RGS6: variants seen among roughly 807,000 people sequenced by gnomAD.
The protein encoded by RGS6 is regulator of G-protein signaling 6.
RGS6 carries 30 observed loss-of-function variants against 78.5 expected under a neutral mutation model. The observed-to-expected ratio is 0.38, with a 90% confidence interval of 0.29 to 0.52. The LOEUF (loss-of-function observed/expected upper bound fraction) is 0.52. RGS6 is among the 20% of genes least tolerant of loss of function. The pLI is 0.85. For synonymous variants in RGS6, 206 were observed against 206.0 expected (o/e 1.00, Z 0.00); for missense variants, 495 against 609.7 (o/e 0.81, Z 1.98).
At position 72,395,897 on chromosome 14, in the gene RGS6, G is replaced by A. The variant is rs2091134287; in HGVS notation, c.184+43703G>A. Among the ~76,000 whole-genome samples the A allele has an allele frequency of 5.3e-5, 8 of 152,210 alleles. No individual in the cohort carries two copies. The South Asian group carries it at 1.7e-3, about 32-fold the overall frequency. ...TTATGGCTGCATAGTATTCCATGGT[G>A]TATATGTGCCACATTTTCTTAATCC... On this transcript the variant is annotated intron_variant, in intron 3 of 17. Coordinates refer to ENST00000553525, the MANE Select transcript of RGS6 (RefSeq NM_001204424.2).
intron 2 of RGS6, among the ~76,000 whole-genome samples, chr14:72,183,966 T>C (rs1443986280): frequency 6.6e-6 from 1 of 152,056 alleles, no homozygotes; most frequent in African/African-American, 2.4e-5. Context: ...CATTTAGGAG[T>C]TTGTTTACCA....
chr14:72,350,998 A>G (rs1370520509), intron 2 of RGS6, among the ~76,000 whole-genome samples: 2 of 152,148 alleles, frequency 1.3e-5, no homozygotes, highest in East Asian at 3.8e-4. Context: ...TATTTCTATC[A>G]AACAAGTTAT....
chr14:72,524,958 G>A (rs2097100430), intron 15 of RGS6, among the ~76,000 whole-genome samples: 1 of 152,132 alleles, frequency 6.6e-6, no homozygotes, highest in Non-Finnish European at 1.5e-5. Context: ...CCTGACCTGT[G>A]GTACCTGCTA....
At chr14:72,036,897 A>G (rs1246129012) in intron 2 of RGS6, among the ~76,000 whole-genome samples, 1 of 152,104 alleles carries the variant, frequency 6.6e-6, no homozygotes, top group African/African-American at 2.4e-5. Context: ...ATAATTTTAT[A>G]TTTTACATTT....
rs115384240 is a variant in RGS6 at position 72,174,758 on chromosome 14, C to T, written c.85-177337C>T. Among the ~76,000 whole-genome samples, 717 of 150,882 alleles carry T rather than the reference C, an allele frequency of 4.8e-3. 9 individuals carry two copies. The highest frequency in any genetic ancestry group is 0.017 in the African/African-American group (676 of 40,250). On this transcript the variant is annotated intron_variant, in intron 2 of 17. Transcript: ENST00000553525. ...GGATATGGCTTCGGGTGACAACCCA[C>T]CTATCAGAGCTATTCAACCATTGAA...
At chr14:72,344,802 G>C (rs1189264311) in intron 2 of RGS6, among the ~76,000 whole-genome samples, 1 of 152,200 alleles carries the variant, frequency 6.6e-6, no homozygotes, top group Non-Finnish European at 1.5e-5. Flanking sequence ...CAGATTTTAG[G>C]TAGGGGAGTT....
intron 17 of RGS6, among the ~76,000 whole-genome samples, chr14:72,557,046 C>T (rs1027222470): frequency 6.6e-6 from 1 of 152,220 alleles, no homozygotes; most frequent in Non-Finnish European, 1.5e-5. Flanking sequence ...AGGCTCCCGC[C>T]CCTCCTCACT....
chr14:72,600,105 C>G, the RGS6 span, among the ~76,000 whole-genome samples: 1 of 152,100 alleles, frequency 6.6e-6, no homozygotes, highest in Non-Finnish European at 1.5e-5. Flanking sequence ...TTCTTCTCCT[C>G]CTTTCTTTCC....
chr14:72,293,002 A>ATT (rs1481181356), intron 2 of RGS6, among the ~76,000 whole-genome samples: 1 of 152,138 alleles, frequency 6.6e-6, no homozygotes, highest in Non-Finnish European at 1.5e-5. Context: ...CCCTGGATAT[A>ATT]TTTGTATTGT....
At chr14:72,464,286 C>T (rs146148992) in intron 6 of RGS6, among the ~76,000 whole-genome samples, 26 of 152,342 alleles carry the variant, frequency 1.7e-4, no homozygotes, top group South Asian at 2.1e-4. Context: ...GCAACACTCT[C>T]TCTCTTTTCA....
intron 14 of RGS6, among the ~76,000 whole-genome samples, chr14:72,515,540 C>T (rs1232391525): frequency 6.6e-6 from 1 of 152,094 alleles, no homozygotes; most frequent in African/African-American, 2.4e-5. Flanking sequence ...GTGACATGCC[C>T]CTGTAATTCC....
intron 2 of RGS6, among the ~76,000 whole-genome samples, chr14:72,091,469 G>T (rs1162099118): frequency 6.6e-6 from 1 of 152,110 alleles, no homozygotes. Context: ...TCAGTAAAGA[G>T]GCCAGATGAG....
intron 2 of RGS6, among the ~76,000 whole-genome samples, chr14:72,123,066 G>C (rs762056777): frequency 3.3e-5 from 5 of 152,068 alleles, no homozygotes; most frequent in Non-Finnish European, 7.4e-5. Context: ...TCCTGGGTTT[G>C]AGCGATTCTC....
At chr14:72,501,957 C>T (rs2096732856) in intron 13 of RGS6, among the ~76,000 whole-genome samples, 1 of 152,232 alleles carries the variant, frequency 6.6e-6, no homozygotes, top group Admixed American at 6.5e-5. Context: ...ATTAGTCAAG[C>T]TCCTTTCTTA....
At chr14:71,988,615 A>G (rs1034154731) in intron 2 of RGS6, among the ~76,000 whole-genome samples, 1 of 152,002 alleles carries the variant, frequency 6.6e-6, no homozygotes, top group African/African-American at 2.4e-5. Flanking sequence ...GACTGTCCGT[A>G]TGACCGGTGA....
intron 2 of RGS6, among the ~76,000 whole-genome samples, chr14:72,112,239 T>G (rs547012749): frequency 6.6e-6 from 1 of 152,212 alleles, no homozygotes; most frequent in Non-Finnish European, 1.5e-5. Context: ...TGTAGTTAGT[T>G]GTTCCCTCTC....
intron 2 of RGS6, among the ~76,000 whole-genome samples, chr14:71,981,548 G>A (rs918588429): frequency 6.7e-6 from 1 of 148,172 alleles, no homozygotes; most frequent in Non-Finnish European, 1.5e-5. Context: ...CCCTGCTGGG[G>A]GGTGCCTCCC....
chr14:72,247,888 T>C (rs1418408484), intron 2 of RGS6, among the ~76,000 whole-genome samples: 1 of 152,204 alleles, frequency 6.6e-6, no homozygotes, highest in Non-Finnish European at 1.5e-5. Context: ...AACCTTGGAC[T>C]TCCCAGCCTC....
intron 2 of RGS6, among the ~76,000 whole-genome samples, chr14:71,995,335 C>T (rs948015966): frequency 6.6e-6 from 1 of 152,242 alleles, no homozygotes; most frequent in Admixed American, 6.5e-5. Context: ...TGGGCTGCCC[C>T]TGAACATAGA....
Sources: allele counts gnomAD v4.1 joint callset (sites outside exome capture counted in the v4.1 genomes callset), GRCh38; gene constraint gnomAD v4.1.1; transcripts MANE v1.5; gene names NCBI Gene and HGNC (gene_info 2026-07-23, HGNC 2026-07-21).